Variants in TMBIM1 observed in about 807,000 individuals in gnomAD.
The protein encoded by TMBIM1 is transmembrane BAX inhibitor motif containing 1.
A neutral mutation model predicts 45.1 loss-of-function variants in TMBIM1; 34 were observed. The observed-to-expected ratio is 0.75, with a 90% confidence interval of 0.57 to 1.00. The LOEUF (loss-of-function observed/expected upper bound fraction) is 1.00, where lower values mean the gene tolerates loss of function less well. TMBIM1 is among the 50% of genes least tolerant of loss of function. The pLI is 0.00. For synonymous variants in TMBIM1, 157 were observed against 153.5 expected, an observed-to-expected ratio of 1.02 and a Z score of -0.17; for missense variants, 374 against 402.4, an observed-to-expected ratio of 0.93 and a Z score of 0.60.
intron 3 of TMBIM1, chr2:218,279,555 C>G: frequency 1.9e-6 from 1 of 537,288 alleles, no homozygotes; most frequent in East Asian, 3.1e-5. Flanking sequence ...TGCCATCTCC[C>G]CTCCTGTCCA....
chr2:218,281,945 T>C lies in TMBIM1; in HGVS notation c.197A>G (p.Asn66Ser). Residue 66 changes from asparagine to serine, a missense_variant, in exon 2 of 12, where the codon AAC (asparagine) becomes AGC (serine). Physicochemically the swap from Asn to Ser is conservative, Grantham distance 46 (BLOSUM62 1). Transcript: ENST00000258412. ...TCTGCCCTTCCAGGACTCACCGTAG[T>C]TCATGGGCATCGGGTGGGTGGGGGG... The part of the protein sequence containing the change: ...PMPPTHPMPM[N>S]YGPGHGYDGE... 2.5e-6 allele frequency: 4 copies of C among 1,596,096 alleles called. No individual in the cohort carries two copies. Among genetic ancestry groups the C allele is most frequent in the Non-Finnish European group, 8.5e-7 (1 of 1,172,330 alleles).
chr2:218,279,561 G>A, intron 3 of TMBIM1: 1 of 531,672 alleles, frequency 1.9e-6, no homozygotes, highest in East Asian at 3.1e-5. Flanking sequence ...CTCCCCTCCT[G>A]TCCAACACCA....
intron 10 of TMBIM1, among the ~76,000 whole-genome samples, 179 bp downstream of exon 10, chr2:218,276,825 G>C (rs1287542435): frequency 1.3e-5 from 2 of 152,156 alleles, no homozygotes; most frequent in African/African-American, 4.8e-5. Flanking sequence ...TCTCCACACA[G>C]AGAGTCTACC....
intron 1 of TMBIM1, chr2:218,284,344 G>A (rs746613250): frequency 2.6e-5 from 4 of 152,408 alleles, no homozygotes; most frequent in Non-Finnish European, 4.4e-5. Context: ...CTGGGAACTC[G>A]GCTCTGCAGG....
At position 218,279,969 on chromosome 2, in the gene TMBIM1, C is replaced by T. The variant is rs995105075; in HGVS notation, c.303+57G>A. On this transcript the variant is annotated intron_variant, in intron 3 of 11. Coordinates refer to ENST00000258412, the MANE Select transcript of TMBIM1 (RefSeq NM_022152.6). ...TGGGGCTACTGTGGCCTACCCACTT[C>T]CCATTCCCACAGCCTGAGGGGCCCC... 6 of 1,339,532 alleles carry T rather than the reference C, an allele frequency of 4.5e-6. No individual in the cohort carries two copies. In the African/African-American group the frequency reaches 5.7e-5, roughly 13 times the overall value. 83.0% of individuals were successfully genotyped at this position (1,339,532 alleles called of 1,614,324 possible).
At chr2:218,275,945 C>T in intron 11 of TMBIM1, 81 bp downstream of exon 11, 1 of 1,489,632 alleles carries the variant, frequency 6.7e-7, no homozygotes, top group Non-Finnish European at 9.2e-7. Context: ...GCCTCCCAGG[C>T]AGTCTAAATT....
At chr2:218,286,662 G>A (rs943437555) in intron 1 of TMBIM1, 1 of 152,244 alleles carries the variant, frequency 6.6e-6, no homozygotes, top group Non-Finnish European at 1.5e-5. Context: ...TAATCCTGCT[G>A]TCTGCCTACT....
chr2:218,279,164 T>C, intron 4 of TMBIM1, 73 bp from the exon 5 acceptor site: 5 of 1,599,638 alleles, frequency 3.1e-6, no homozygotes. Flanking sequence ...CAGGCAGCCC[T>C]GGCTTCACCT....
intron 10 of TMBIM1, 120 bp from the exon 11 acceptor site, chr2:218,276,199 A>C (rs1691192428): frequency 2.9e-6 from 3 of 1,049,642 alleles, no homozygotes; most frequent in Admixed American, 2.2e-5. Context: ...CTAGCTCTCC[A>C]TGAAAGGCTA....
In TMBIM1 at chr2:218,280,303, C is replaced by T. The variant is rs938206649; in HGVS notation, c.203-177G>A. 5.2e-5 allele frequency: 30 copies of T among 572,822 alleles called. 1 individual carries two copies. In the East Asian group the frequency reaches 8.8e-4, roughly 17 times the overall value. 35.5% of individuals were successfully genotyped at this position (572,822 alleles called of 1,614,324 possible). A position where few individuals can be genotyped will look rare whatever the true frequency, so the allele number is the denominator to read the frequency against. ...CACCCTCAGAGTGACCCAGAGCCGGCCTGTCACGAGGGGGCTTAGGTGGGA... is the reference window on the plus strand; with the variant it reads ...CACCCTCAGAGTGACCCAGAGCCGGTCTGTCACGAGGGGGCTTAGGTGGGA... On this transcript the variant is annotated intron_variant, in intron 2 of 11. Coordinates refer to ENST00000258412, the MANE Select transcript of TMBIM1 (RefSeq NM_022152.6).
chr2:218,276,148 T>C lies in TMBIM1; in HGVS notation c.736-69A>G, dbSNP rs1239148696. 3.9e-6 allele frequency: 6 copies of C among 1,543,052 alleles called. No homozygotes were observed. In the African/African-American group the frequency reaches 4.1e-5, roughly 10 times the overall value. ...AACCACAGGCCCACAGGCCCCAGCT[T>C]CCCCCGGGATAGTGGCATGAGAGTG... On this transcript the variant is annotated intron_variant, in intron 10 of 11. Coordinates refer to ENST00000258412, the MANE Select transcript of TMBIM1 (RefSeq NM_022152.6).
In TMBIM1 at chr2:218,275,359, G is replaced by A; in HGVS notation, c.*116C>T. On this transcript the variant is annotated 3_prime_UTR_variant, in exon 12 of 12. Coordinates refer to ENST00000258412, the MANE Select transcript of TMBIM1 (RefSeq NM_022152.6). ...CTGTCTCCAGGACAGAAAGGAAACT[G>A]GGCATGTTACTCAAGGGGAAGGAAA... 2.2e-6 allele frequency: 3 copies of A among 1,381,008 alleles called. No homozygotes were observed. The highest frequency in any genetic ancestry group is 1.9e-6 in the Non-Finnish European group (2 of 1,033,480). 85.5% of individuals were successfully genotyped at this position (1,381,008 alleles called of 1,614,324 possible).
rs750505305 is a variant in TMBIM1, at chr2:218,277,970, G to A, written c.478C>T (p.Arg160Cys). ...ILACCQGPRRRFPWNIILLTL... is the reference protein window; with the variant it reads ...ILACCQGPRRCFPWNIILLTL... ...AGCAGAATGATGTTCCATGGGAAACGGCGTCTGAAGGGAAAGAGAAGCCTT... is the reference window on the plus strand; with the variant it reads ...AGCAGAATGATGTTCCATGGGAAACAGCGTCTGAAGGGAAAGAGAAGCCTT... Residue 160 changes from arginine to cysteine, a missense_variant, in exon 7 of 12, where the codon CGT becomes TGT. Physicochemically the swap from Arg to Cys is radical, Grantham distance 180. Transcript: ENST00000258412. 9.9e-6 allele frequency: 16 copies of A among 1,614,060 alleles called. No individual in the cohort carries two copies. The highest frequency in any genetic ancestry group is 8.9e-5 in the East Asian group (4 of 44,900).
At chr2:218,279,553 C>T in intron 3 of TMBIM1, 200 bp from the exon 4 acceptor site, 1 of 536,354 alleles carries the variant, frequency 1.9e-6, no homozygotes, top group East Asian at 3.1e-5. Flanking sequence ...CCTGCCATCT[C>T]CCCTCCTGTC....
intron 1 of TMBIM1, chr2:218,289,929 T>A (rs976823520): frequency 7.9e-5 from 12 of 152,130 alleles, no homozygotes; most frequent in Admixed American, 1.3e-4. Context: ...TATAACACTC[T>A]AGGAAAGAAA....
At chr2:218,288,806 G>C (rs1692725476) in intron 1 of TMBIM1, among the ~76,000 whole-genome samples, 1 of 151,986 alleles carries the variant, frequency 6.6e-6, no homozygotes, top group South Asian at 2.1e-4. Context: ...AGTTGGGGTG[G>C]GTAAAAGAAA....
intron 9 of TMBIM1, 61 bp downstream of exon 9, chr2:218,277,305 G>A: frequency 6.7e-7 from 1 of 1,485,028 alleles, no homozygotes; most frequent in Non-Finnish European, 9.4e-7. Flanking sequence ...AGTGTGCCGG[G>A]GTCCGGGCCT....
At chr2:218,278,167 TG>T (rs748280178) in intron 6 of TMBIM1, 193 bp from the exon 7 acceptor site, 11 of 636,752 alleles carry the variant, frequency 1.7e-5, no homozygotes, top group Non-Finnish European at 2.4e-5. Flanking sequence ...GAGACAGACC[TG>T]TGTTGTGGCG....
At chr2:218,286,275 G>A (rs981806151) in intron 1 of TMBIM1, 1 of 151,948 alleles carries the variant, frequency 6.6e-6, no homozygotes, top group Admixed American at 6.6e-5. Flanking sequence ...GGCCTCAAGT[G>A]ATCCACCCAC....
Sources: allele counts gnomAD v4.1 joint callset (sites outside exome capture counted in the v4.1 genomes callset), GRCh38; gene constraint gnomAD v4.1.1; transcripts MANE v1.5; gene names NCBI Gene and HGNC (gene_info 2026-07-23, HGNC 2026-07-21).